Variants in ARID4B observed in about 807,000 individuals in gnomAD.
ARID4B encodes AT-rich interactive domain-containing protein 4B.
Under a neutral mutation model 147.5 loss-of-function variants are expected in ARID4B, and 26 were observed. That is an observed-to-expected ratio of 0.18 (90% CI 0.13 to 0.24). The LOEUF is 0.24. Among genes scored for constraint, ARID4B ranks in the 10% least tolerant of loss-of-function variants. The probability of loss-of-function intolerance (pLI) is 1.00; values close to 1 mark genes in which losing one functional copy is unlikely to be tolerated. For missense variants in ARID4B, 1,179 were observed against 1,511.5 expected (o/e 0.78, Z 3.65); for synonymous variants, 512 against 507.9 (o/e 1.01, Z -0.11).
intron 10 of ARID4B, 80 bp downstream of exon 10, chr1:235,231,033 A>C: frequency 9.9e-7 from 1 of 1,005,142 alleles, no homozygotes; most frequent in Non-Finnish European, 1.5e-6. Flanking sequence ...AAAATTTTAA[A>C]GAGCAAAGAA....
rs772853750 is a variant in ARID4B at position 235,255,267 on chromosome 1, A to ATCTATCTATCTATCTATCTATC, written c.274+392_274+393insGATAGATAGATAGATAGATAGA. 4.1e-4 allele frequency among the ~76,000 whole-genome samples: 56 copies of ATCTATCTATCTATCTATCTATC among 137,248 alleles called. 1 individual carries two copies. In the South Asian group the frequency reaches 0.01, roughly 25 times the overall value. The allele number at this position is 137,248 out of a possible 152,430, so 90.0% of individuals were successfully genotyped here. ...GATAGATAGATAGATAGATAGATAT[A>ATCTATCTATCTATCTATCTATC]TATCTCTCTCTCTCTCTCTCTATAT... On this transcript the variant is annotated intron_variant, in intron 5 of 23. Transcript: ENST00000264183.
At chr1:235,283,548 T>TTTTAATAACCAGAAAATG (rs1671793851) in intron 2 of ARID4B, among the ~76,000 whole-genome samples, 1 of 152,192 alleles carries the variant, frequency 6.6e-6, no homozygotes, top group African/African-American at 2.4e-5. Flanking sequence ...ACCATGAGTT[T>TTTTAATAACCAGAAAATG]TTTAATAACC....
intron 17 of ARID4B, among the ~76,000 whole-genome samples, chr1:235,197,980 G>C (rs920600594): frequency 4.6e-5 from 7 of 152,136 alleles, no homozygotes; most frequent in Admixed American, 3.3e-4. Context: ...GAAACGAAAA[G>C]AAAACACCTC....
At chr1:235,230,918 CA>C (rs758639309) in intron 10 of ARID4B, among the ~76,000 whole-genome samples, 194 bp downstream of exon 10, 95 of 115,132 alleles carry the variant, frequency 8.3e-4, no homozygotes, top group Admixed American at 1.1e-3. Context: ...ACTCTGTCTC[CA>C]AAAAAAAAAA....
intron 19 of ARID4B, among the ~76,000 whole-genome samples, chr1:235,187,462 A>T (rs1223890014): frequency 2.0e-5 from 3 of 152,204 alleles, no homozygotes; most frequent in African/African-American, 7.2e-5. Context: ...AACTTGATTG[A>T]CACTACTGTT....
chr1:235,251,220 A>T (rs903064465), intron 6 of ARID4B, among the ~76,000 whole-genome samples: 1 of 73,410 alleles, frequency 1.4e-5, no homozygotes, highest in African/African-American at 3.3e-5. Flanking sequence ...GAGAAAAGTT[A>T]AAAAAAAAAA....
chr1:235,213,718 G>C (rs1666857209), intron 17 of ARID4B, 51 bp downstream of exon 17: 1 of 1,538,928 alleles, frequency 6.5e-7, no homozygotes, highest in African/African-American at 1.4e-5. Flanking sequence ...AAATAGAAAA[G>C]TATTTTATAA....
intron 22 of ARID4B, among the ~76,000 whole-genome samples, chr1:235,174,537 A>G (rs975027229): frequency 2.0e-5 from 3 of 152,108 alleles, no homozygotes; most frequent in Admixed American, 6.6e-5. Context: ...ATGGTGGCTC[A>G]TGCCCAAAAT....
chr1:235,173,789 T>TATATATATATATATATGTATACCTAAAAC, intron 22 of ARID4B, among the ~76,000 whole-genome samples: 3 of 63,650 alleles, frequency 4.7e-5, no homozygotes, highest in Non-Finnish European at 8.5e-5. Context: ...TATATATATA[T>TATATATATATATATATGTATACCTAAAAC]ATATATATAT....
chr1:235,226,848 T>C (rs1339668750), intron 11 of ARID4B, among the ~76,000 whole-genome samples: 1 of 152,098 alleles, frequency 6.6e-6, no homozygotes, highest in African/African-American at 2.4e-5. Flanking sequence ...TTTGTATTTT[T>C]AGTACAGACG....
At chr1:235,236,834 A>ATATATATATATATATATATATATGTATG in intron 8 of ARID4B, among the ~76,000 whole-genome samples, 1 of 21,158 alleles carries the variant, frequency 4.7e-5, no homozygotes, top group Non-Finnish European at 7.9e-5. Context: ...TTTATAAAAA[A>ATATATATATATATATATATATATGTATG]TATATATATA....
chr1:235,212,553 C>T (rs1189398110), intron 17 of ARID4B, among the ~76,000 whole-genome samples: 3 of 152,046 alleles, frequency 2.0e-5, no homozygotes, highest in African/African-American at 7.3e-5. Context: ...GAAAGGTAAT[C>T]AGATTAGATC....
At chr1:235,296,838 G>A (rs1327408184) in intron 2 of ARID4B, among the ~76,000 whole-genome samples, 1 of 342 alleles carries the variant, frequency 2.9e-3, no homozygotes, top group Non-Finnish European at 6.8e-3. Flanking sequence ...AGGAAGGAAG[G>A]GAGGAAGGAG....
intron 2 of ARID4B, among the ~76,000 whole-genome samples, chr1:235,271,578 C>T (rs1052686417): frequency 6.8e-6 from 1 of 146,168 alleles, no homozygotes; most frequent in Non-Finnish European, 1.5e-5. Context: ...TGCAGTGAGC[C>T]GAGTTTGCAC....
intron 22 of ARID4B, among the ~76,000 whole-genome samples, chr1:235,173,742 TAAAAAAAAAAAAAAAAAA>T (rs755815257): frequency 4.6e-4 from 12 of 26,260 alleles, no homozygotes; most frequent in South Asian, 2.8e-3. Context: ...CGTCTCTATT[TAAAAAAAAAAAAAAAAAA>T]AAAAAAAAAA....
At chr1:235,302,154 A>G (rs1441821214) in intron 2 of ARID4B, among the ~76,000 whole-genome samples, 5 of 32,372 alleles carry the variant, frequency 1.5e-4, no homozygotes, top group Non-Finnish European at 3.0e-4. Flanking sequence ...CAAAAAACGG[A>G]AAAAAAAAAA....
chr1:235,236,833 A>AAAAAATAT (rs1175189621), intron 8 of ARID4B, among the ~76,000 whole-genome samples: 49 of 33,498 alleles, frequency 1.5e-3, no homozygotes, highest in African/African-American at 2.1e-3. Flanking sequence ...TTTTATAAAA[A>AAAAAATAT]ATATATATAT....
chr1:235,257,214 T>C lies in ARID4B; in HGVS notation c.129A>G (p.Arg43=). 6.2e-7 allele frequency: 1 copy of C among 1,612,378 alleles called. No homozygotes were observed. Among genetic ancestry groups the C allele is most frequent in the Non-Finnish European group, 8.5e-7 (1 of 1,178,544 alleles). Residue 43 remains arginine (R), a synonymous_variant, in exon 4 of 24, where the codon AGA becomes AGG. Transcript: ENST00000264183. ...GAACTTCCACTGTTGAAGAATCATG[T>C]CTAAATGTCACCTAGAGATTATAAG... The part of the protein sequence containing the change: ...KRLVKVKVTF[R]HDSSTVEVQD...
chr1:235,237,573 A>T (rs1668686738), intron 8 of ARID4B, among the ~76,000 whole-genome samples: 1 of 152,254 alleles, frequency 6.6e-6, no homozygotes. Flanking sequence ...TGTTGACTAA[A>T]AAGGGTAAAT....
Sources: gnomAD v4.1 joint callset for allele counts (sites outside exome capture counted in the v4.1 genomes callset) on GRCh38, gnomAD v4.1.1 for gene constraint, MANE v1.5 for transcripts, NCBI Gene and HGNC (gene_info 2026-07-23, HGNC 2026-07-21) for gene names.